The following SORCS2 variants were observed in gnomAD, a reference collection of about 807,000 sequenced individuals.
SORCS2 encodes VPS10 domain-containing receptor SorCS2.
In SORCS2, 100 loss-of-function variants were observed where a neutral mutation model predicts 141.6. The observed-to-expected ratio is 0.71, with a 90% CI of 0.60 to 0.83. The LOEUF is 0.83. Ranked by LOEUF, SORCS2 falls within the 40% of genes least tolerant of loss-of-function variation. SORCS2 has a pLI of 0.00. For synonymous variants in SORCS2, 789 were observed against 676.9 expected, an observed-to-expected ratio of 1.17 and a Z score of -2.57; for missense variants, 1,646 against 1,560.2, an observed-to-expected ratio of 1.05 and a Z score of -0.93.
intron 1 of SORCS2, among the ~76,000 whole-genome samples, chr4:7,270,925 G>A (rs923311715): frequency 5.3e-5 from 8 of 152,206 alleles, no homozygotes; most frequent in Admixed American, 4.6e-4. Flanking sequence ...TCCAGTTCTC[G>A]CTTGTTCGTT....
chr4:7,597,656 G>A (rs1717370137), intron 3 of SORCS2, among the ~76,000 whole-genome samples: 1 of 149,704 alleles, frequency 6.7e-6, no homozygotes, highest in Admixed American at 6.7e-5. Context: ...GTAATGGGAG[G>A]GGGCTCTGCC....
intron 9 of SORCS2, among the ~76,000 whole-genome samples, chr4:7,679,120 C>T (rs1723348706): frequency 1.0e-5 from 1 of 96,430 alleles, no homozygotes; most frequent in African/African-American, 3.9e-5. Flanking sequence ...CACCCAGCAG[C>T]ACATCCAGGA....
chr4:7,303,868 C>A (rs1717611794), intron 1 of SORCS2, among the ~76,000 whole-genome samples: 1 of 152,246 alleles, frequency 6.6e-6, no homozygotes, highest in Admixed American at 6.5e-5. Context: ...CCCTGTGGAC[C>A]TGTCCTGAGA....
chr4:7,336,182 C>G (rs1040625809), intron 1 of SORCS2, among the ~76,000 whole-genome samples: 14 of 152,206 alleles, frequency 9.2e-5, no homozygotes, highest in Admixed American at 2.6e-4. Flanking sequence ...CTGCCCCTGC[C>G]CTGCGTCCTG....
intron 1 of SORCS2, among the ~76,000 whole-genome samples, chr4:7,302,750 T>C (rs1717513782): frequency 1.6e-5 from 2 of 125,602 alleles, no homozygotes; most frequent in Admixed American, 1.7e-4. Flanking sequence ...GTGTCCGGCA[T>C]CTAGTAGACA....
At chr4:7,722,047 T>A (rs546342876) in intron 18 of SORCS2, among the ~76,000 whole-genome samples, 1 of 152,216 alleles carries the variant, frequency 6.6e-6, no homozygotes, top group Non-Finnish European at 1.5e-5. Flanking sequence ...TATACTACTT[T>A]TGTGGTCAGG....
At chr4:7,611,551 A>C (rs1323611845) in intron 3 of SORCS2, among the ~76,000 whole-genome samples, 1 of 152,194 alleles carries the variant, frequency 6.6e-6, no homozygotes, top group African/African-American at 2.4e-5. Flanking sequence ...CCAAGGTGTC[A>C]GCCTTCAGGG....
At chr4:7,623,574 C>T (rs1213382578) in intron 3 of SORCS2, among the ~76,000 whole-genome samples, 1 of 152,162 alleles carries the variant, frequency 6.6e-6, no homozygotes, top group Non-Finnish European at 1.5e-5. Flanking sequence ...CGACCTGTGG[C>T]ATCCAGTCCT....
At chr4:7,461,911 C>G (rs1729337502) in intron 2 of SORCS2, among the ~76,000 whole-genome samples, 1 of 101,522 alleles carries the variant, frequency 9.9e-6, no homozygotes, top group East Asian at 2.2e-4. Flanking sequence ...GTCCCGCAGG[C>G]TTCAGTGCCT....
chr4:7,265,324 C>A (rs1284870328), intron 1 of SORCS2, among the ~76,000 whole-genome samples: 1 of 152,114 alleles, frequency 6.6e-6, no homozygotes, highest in Non-Finnish European at 1.5e-5. Flanking sequence ...AAACCTGTCT[C>A]TACTAAAAAT....
chr4:7,243,386 C>T (rs1477008758), intron 1 of SORCS2, among the ~76,000 whole-genome samples: 1 of 152,126 alleles, frequency 6.6e-6, no homozygotes, highest in African/African-American at 2.4e-5. Context: ...GTCTCCAAGA[C>T]CACCCCTAGG....
chr4:7,255,234 C>T (rs990656453), intron 1 of SORCS2, among the ~76,000 whole-genome samples: 5 of 151,944 alleles, frequency 3.3e-5, no homozygotes, highest in Non-Finnish European at 4.4e-5. Context: ...CAGTGCTTCC[C>T]GGGCAGTTTC....
intron 2 of SORCS2, among the ~76,000 whole-genome samples, chr4:7,455,623 T>A (rs1728853421): frequency 7.0e-6 from 1 of 143,690 alleles, no homozygotes; most frequent in Non-Finnish European, 1.5e-5. Flanking sequence ...AGGCTCTGTG[T>A]TGGGGTCAGG....
chr4:7,452,714 G>C (rs1445380918), intron 2 of SORCS2, among the ~76,000 whole-genome samples: 2 of 152,222 alleles, frequency 1.3e-5, no homozygotes, highest in African/African-American at 2.4e-5. Flanking sequence ...GAATATGTCA[G>C]TAAAAGGACT....
At chr4:7,218,628 G>A (rs1023029059) in intron 1 of SORCS2, among the ~76,000 whole-genome samples, 1 of 152,194 alleles carries the variant, frequency 6.6e-6, no homozygotes, top group African/African-American at 2.4e-5. Context: ...ATGTGAGCAC[G>A]ATTAGATGCC....
chr4:7,584,366 T>C (rs1716389174), intron 3 of SORCS2, among the ~76,000 whole-genome samples: 1 of 152,186 alleles, frequency 6.6e-6, no homozygotes, highest in African/African-American at 2.4e-5. Context: ...CTGGCTGTGC[T>C]TTGGAAACTG....
At chr4:7,514,347 G>A (rs948078333) in intron 2 of SORCS2, among the ~76,000 whole-genome samples, 1 of 152,132 alleles carries the variant, frequency 6.6e-6, no homozygotes, top group African/African-American at 2.4e-5. Context: ...CCTTCAGGGC[G>A]GGAAGAGGCT....
chr4:7,358,890 G>T (rs2109019611), intron 1 of SORCS2, among the ~76,000 whole-genome samples: 1 of 151,774 alleles, frequency 6.6e-6, no homozygotes, highest in Non-Finnish European at 1.5e-5. Context: ...CCAGGCTGGA[G>T]TATAGTGATG....
intron 9 of SORCS2, among the ~76,000 whole-genome samples, chr4:7,676,850 G>T (rs115619632): frequency 0.11 from 4,595 of 41,282 alleles, 555 homozygotes; most frequent in Non-Finnish European, 0.12. Flanking sequence ...CCCCAGCCCT[G>T]TCATCTCCTC....
Sources: allele counts gnomAD v4.1 joint callset (sites outside exome capture counted in the v4.1 genomes callset), GRCh38; gene constraint gnomAD v4.1.1; transcripts MANE v1.5; gene names NCBI Gene and HGNC (gene_info 2026-07-23, HGNC 2026-07-21).